IL6R: variants seen among roughly 807,000 people sequenced by gnomAD.
The protein encoded by IL6R is interleukin 6 receptor.
Under a neutral mutation model 48.3 loss-of-function variants are expected in IL6R, and 38 were observed. The observed-to-expected ratio is 0.79, with a 90% CI of 0.61 to 1.03. The LOEUF is 1.03. IL6R is among the 50% of genes least tolerant of loss of function. The probability of loss-of-function intolerance (pLI) is 0.00; values close to 1 mark genes in which losing one functional copy is unlikely to be tolerated. For synonymous variants in IL6R, 264 were observed against 256.2 expected (o/e 1.03, Z -0.29); for missense variants, 534 against 618.3 (o/e 0.86, Z 1.45).
intron 6 of IL6R, among the ~76,000 whole-genome samples, chr1:154,447,374 G>A (rs1422677164): frequency 6.9e-6 from 1 of 144,228 alleles, no homozygotes; most frequent in African/African-American, 2.6e-5. Flanking sequence ...AGTAGGTGGA[G>A]GTTGCAGTGA....
At chr1:154,426,344 C>T (rs1461936012) in intron 1 of IL6R, among the ~76,000 whole-genome samples, 1 of 150,342 alleles carries the variant, frequency 6.7e-6, no homozygotes, top group African/African-American at 2.4e-5. Context: ...AACCCCATCT[C>T]TACTAAAAAT....
chr1:154,447,546 T>TAC (rs755796263), intron 6 of IL6R, among the ~76,000 whole-genome samples: 34,788 of 124,968 alleles, frequency 0.28, 6,744 homozygotes, highest in Admixed American at 0.41. Context: ...TACATATATA[T>TAC]ACACATACAC....
chr1:154,420,666 G>T (rs1688610738), intron 1 of IL6R, among the ~76,000 whole-genome samples: 1 of 151,652 alleles, frequency 6.6e-6, no homozygotes. Context: ...CTCCTGAGTA[G>T]CTGGGATTAC....
Position 154,432,131 on chromosome 1 carries a change from A to G in IL6R, c.458+1525A>G, listed in dbSNP as rs375557383. Among the ~76,000 whole-genome samples, 4 of 152,230 alleles carry G rather than the reference A, an allele frequency of 2.6e-5. No individual in the cohort carries two copies. The East Asian group carries it at 5.8e-4, about 22-fold the overall frequency. The stretch of plus-strand genomic sequence containing the variant: ...CAGTCATGTTTTTGTTCTGTCCTCT[A>G]TGATGAAAAGTGCGGATTACCATCT... On this transcript the variant is annotated intron_variant, in intron 3 of 9. Coordinates refer to ENST00000368485, the MANE Select transcript of IL6R (RefSeq NM_000565.4).
At chr1:154,463,448 A>T (rs1337637764) in intron 9 of IL6R, among the ~76,000 whole-genome samples, 5 of 152,242 alleles carry the variant, frequency 3.3e-5, no homozygotes, top group Non-Finnish European at 7.3e-5. Context: ...ATTATTTATC[A>T]TAACAAGGAC....
In IL6R at chr1:154,434,681, C is replaced by G; in HGVS notation, c.621C>G (p.Thr207=). 6.2e-7 allele frequency: 1 copy of G among 1,614,074 alleles called. No homozygotes were observed. The highest frequency in any genetic ancestry group is 8.5e-7 in the Non-Finnish European group (1 of 1,179,966). ...GGAGCAAGTTCAGCAAAACTCAAACCTTTCAGGGTTGTGGAATCTGTACGT... is the reference window on the plus strand; with the variant it reads ...GGAGCAAGTTCAGCAAAACTCAAACGTTTCAGGGTTGTGGAATCTGTACGT... ...SVGSKFSKTQ[T]FQGCGILQPD... is the part of the protein sequence containing the mutation. Residue 207 remains threonine, a synonymous_variant, in exon 4 of 10, where the codon ACC becomes ACG. Coordinates refer to ENST00000368485, the MANE Select transcript of IL6R (RefSeq NM_000565.4).
At chr1:154,457,340 A>AAAAAG (rs1690945349) in intron 9 of IL6R, among the ~76,000 whole-genome samples, 1 of 151,104 alleles carries the variant, frequency 6.6e-6, no homozygotes, top group South Asian at 2.1e-4. Context: ...AAAAAAAAAA[A>AAAAAG]AAAAGAAAAG....
At chr1:154,440,645 T>C (rs931134813) in intron 6 of IL6R, among the ~76,000 whole-genome samples, 2 of 148,200 alleles carry the variant, frequency 1.3e-5, no homozygotes, top group African/African-American at 5.0e-5. Flanking sequence ...ATTTCCCTAA[T>C]GATTAATGTC....
At chr1:154,419,364 T>C (rs148924510) in intron 1 of IL6R, among the ~76,000 whole-genome samples, 3 of 152,274 alleles carry the variant, frequency 2.0e-5, no homozygotes, top group African/African-American at 7.2e-5. Context: ...CACTGGGACT[T>C]GTCCTAGCCC....
chr1:154,454,728 T>A (rs1690779174), intron 9 of IL6R, 147 bp downstream of exon 9: 2 of 659,000 alleles, frequency 3.0e-6, no homozygotes, highest in Admixed American at 4.6e-5. Flanking sequence ...ACACAACACC[T>A]ACTATTATGC....
At chr1:154,419,818 C>T (rs1262660639) in intron 1 of IL6R, among the ~76,000 whole-genome samples, 2 of 152,184 alleles carry the variant, frequency 1.3e-5, no homozygotes, top group African/African-American at 4.8e-5. Flanking sequence ...TTGACATTTG[C>T]AAGTTTACTT....
chr1:154,456,299 G>A (rs1203247133), intron 9 of IL6R, among the ~76,000 whole-genome samples: 3 of 149,430 alleles, frequency 2.0e-5, no homozygotes, highest in South Asian at 2.2e-4. Context: ...TCCGCCTCCC[G>A]GGTTCAAGCG....
At chr1:154,424,312 G>A (rs764940990) in intron 1 of IL6R, among the ~76,000 whole-genome samples, 1 of 152,204 alleles carries the variant, frequency 6.6e-6, no homozygotes. Flanking sequence ...CACCATGGTC[G>A]GGGAAGGGAC....
intron 1 of IL6R, among the ~76,000 whole-genome samples, chr1:154,411,504 C>T (rs947696562): frequency 6.6e-6 from 1 of 152,118 alleles, no homozygotes; most frequent in East Asian, 1.9e-4. Context: ...GCTGAGGTCC[C>T]CCACATCTAT....
At chr1:154,449,150 C>T (rs1690447313) in intron 7 of IL6R, among the ~76,000 whole-genome samples, 1 of 144,720 alleles carries the variant, frequency 6.9e-6, no homozygotes, top group Non-Finnish European at 1.5e-5. Flanking sequence ...CCGCCTCGGC[C>T]TCCCAAAGTG....
chr1:154,451,571 C>T (rs1417721971), intron 8 of IL6R, among the ~76,000 whole-genome samples: 1 of 152,088 alleles, frequency 6.6e-6, no homozygotes, highest in Admixed American at 6.5e-5. Flanking sequence ...GGAGGGGAAC[C>T]TCCAGTCCTC....
At chr1:154,407,764 G>C (rs546717665) in intron 1 of IL6R, among the ~76,000 whole-genome samples, 1 of 152,220 alleles carries the variant, frequency 6.6e-6, no homozygotes, top group Non-Finnish European at 1.5e-5. Flanking sequence ...ACACACCCTG[G>C]AGCTGCCAGG....
intron 9 of IL6R, among the ~76,000 whole-genome samples, chr1:154,462,769 C>G (rs1399981439): frequency 6.6e-6 from 1 of 152,080 alleles, no homozygotes; most frequent in Non-Finnish European, 1.5e-5. Flanking sequence ...CCAAACATTA[C>G]CAATTATTTG....
At chr1:154,439,643 CTG>C (rs1364884016) in intron 6 of IL6R, among the ~76,000 whole-genome samples, 1 of 152,176 alleles carries the variant, frequency 6.6e-6, no homozygotes, top group East Asian at 1.9e-4. Flanking sequence ...GTGCACAGCT[CTG>C]TGGCATTAAG....
Sources: gnomAD v4.1 joint callset for allele counts (sites outside exome capture counted in the v4.1 genomes callset) on GRCh38, gnomAD v4.1.1 for gene constraint, MANE v1.5 for transcripts, NCBI Gene and HGNC (gene_info 2026-07-23, HGNC 2026-07-21) for gene names.